The following UNC13C variants were observed in gnomAD, a reference collection of about 807,000 sequenced individuals.
UNC13C encodes unc-13 homolog C, also known as protein unc-13 homolog C.
Under a neutral mutation model 245.4 loss-of-function variants are expected in UNC13C, and 174 were observed. The observed-to-expected ratio is 0.71, with a 90% CI of 0.63 to 0.80. The LOEUF is 0.80. Ranked by LOEUF, UNC13C falls within the 30% of genes least tolerant of loss-of-function variation. The pLI is 0.00. For missense variants in UNC13C, 2,829 were observed against 2,602.9 expected (o/e 1.09, Z -1.89); for synonymous variants, 992 against 895.1 (o/e 1.11, Z -1.93).
At chr15:54,237,438 A>C (rs1157092037) in intron 6 of UNC13C, 181 bp from the exon 7 acceptor site, 1 of 696,370 alleles carries the variant, frequency 1.4e-6, no homozygotes, top group East Asian at 2.7e-5. Flanking sequence ...GGATCGTTCC[A>C]GTTTTAATAT....
At chr15:54,294,908 A>G (rs1444683695) in intron 11 of UNC13C, among the ~76,000 whole-genome samples, 1 of 152,248 alleles carries the variant, frequency 6.6e-6, no homozygotes. Context: ...GCATACTTTT[A>G]GTAATGAAAT....
At chr15:54,597,830 A>G (rs1354516270) in intron 30 of UNC13C, among the ~76,000 whole-genome samples, 2 of 152,192 alleles carry the variant, frequency 1.3e-5, no homozygotes, top group Non-Finnish European at 2.9e-5. Flanking sequence ...ATATCCAGCT[A>G]ATAATATAAA....
intron 24 of UNC13C, among the ~76,000 whole-genome samples, chr15:54,513,670 C>A (rs1010239795): frequency 6.6e-6 from 1 of 152,140 alleles, no homozygotes; most frequent in Non-Finnish European, 1.5e-5. Flanking sequence ...GTACCTTCTT[C>A]CTTTAAAACT....
At chr15:54,524,361 C>T (rs1365003212) in intron 24 of UNC13C, among the ~76,000 whole-genome samples, 1 of 152,168 alleles carries the variant, frequency 6.6e-6, no homozygotes, top group Non-Finnish European at 1.5e-5. Flanking sequence ...CCAGAAAAAT[C>T]ACATTGCCTC....
At chr15:53,850,882 TC>T in the UNC13C span, among the ~76,000 whole-genome samples, 1 of 151,906 alleles carries the variant, frequency 6.6e-6, no homozygotes, top group Non-Finnish European at 1.5e-5. Context: ...TTTTTTTTTT[TC>T]CTTTTCTACA....
Position 54,060,107 on chromosome 15 carries a change from A to G in UNC13C, c.2983+44221A>G, listed in dbSNP as rs561811628. Among the ~76,000 whole-genome samples, 117 of 151,930 alleles carry G rather than the reference A, an allele frequency of 7.7e-4. 1 individual carries two copies. Among genetic ancestry groups the G allele is most frequent in the African/African-American group, 2.4e-3 (100 of 41,378 alleles). ...AAAAGCAATGGCAACAAAAGCCAAA[A>G]TTGACAGATGGGATCTAGTTAAACT... On this transcript the variant is annotated intron_variant, in intron 2 of 32. Coordinates refer to ENST00000260323, the MANE Select transcript of UNC13C (RefSeq NM_001080534.3).
intron 19 of UNC13C, among the ~76,000 whole-genome samples, chr15:54,480,543 A>G (rs1567313631): frequency 7.5e-6 from 1 of 134,214 alleles, no homozygotes; most frequent in African/African-American, 2.8e-5. Context: ...TCATTCATTA[A>G]ATATTTAGTT....
At chr15:53,887,469 G>T in the UNC13C span, among the ~76,000 whole-genome samples, 1 of 152,006 alleles carries the variant, frequency 6.6e-6, no homozygotes, top group Admixed American at 6.6e-5. Context: ...CTCTTTTTTA[G>T]ATATACATGG....
At chr15:54,297,083 C>G (rs963470776) in intron 11 of UNC13C, among the ~76,000 whole-genome samples, 1 of 152,170 alleles carries the variant, frequency 6.6e-6, no homozygotes, top group African/African-American at 2.4e-5. Context: ...AGAACTTTGG[C>G]TCATCTTTTC....
chr15:54,093,456 C>T (rs934322734), intron 2 of UNC13C, among the ~76,000 whole-genome samples: 2 of 152,216 alleles, frequency 1.3e-5, no homozygotes. Context: ...TGATGATTAA[C>T]AACTAATGAA....
chr15:54,484,473 A>G (rs1283208590), intron 19 of UNC13C, among the ~76,000 whole-genome samples: 1 of 152,242 alleles, frequency 6.6e-6, no homozygotes, highest in African/African-American at 2.4e-5. Context: ...CTAAAATGGC[A>G]TACAGAGAAA....
intron 1 of UNC13C, among the ~76,000 whole-genome samples, chr15:53,995,701 C>T (rs1274049107): frequency 2.0e-5 from 3 of 151,800 alleles, no homozygotes; most frequent in Non-Finnish European, 4.4e-5. Context: ...GTCCCATTGT[C>T]GTGGAAGTAA....
intron 2 of UNC13C, among the ~76,000 whole-genome samples, chr15:54,053,754 A>G (rs577678321): frequency 6.6e-6 from 1 of 151,900 alleles, no homozygotes; most frequent in African/African-American, 2.4e-5. Context: ...TTATTTCTGG[A>G]CCCATTAACC....
At chr15:53,928,380 C>T in the UNC13C span, among the ~76,000 whole-genome samples, 1 of 152,178 alleles carries the variant, frequency 6.6e-6, no homozygotes, top group Admixed American at 6.5e-5. Context: ...TTGTTTGTGG[C>T]TTAAGAATGC....
At chr15:54,428,745 G>C (rs940319102) in intron 19 of UNC13C, among the ~76,000 whole-genome samples, 1 of 151,514 alleles carries the variant, frequency 6.6e-6, no homozygotes, top group African/African-American at 2.4e-5. Context: ...ATCTGAAGTG[G>C]ATATGAGTAA....
chr15:54,360,328 G>C (rs1360324935), intron 17 of UNC13C, among the ~76,000 whole-genome samples: 1 of 151,980 alleles, frequency 6.6e-6, no homozygotes, highest in Non-Finnish European at 1.5e-5. Flanking sequence ...ATTCAGTCTT[G>C]AGTGCAGTTT....
At chr15:54,329,858 A>G (rs1249470321) in intron 14 of UNC13C, among the ~76,000 whole-genome samples, 2 of 152,066 alleles carry the variant, frequency 1.3e-5, no homozygotes, top group African/African-American at 4.8e-5. Context: ...TTTATCAGTC[A>G]GAAATCTTTT....
intron 16 of UNC13C, among the ~76,000 whole-genome samples, chr15:54,337,150 G>A (rs1486994354): frequency 1.3e-5 from 2 of 152,096 alleles, no homozygotes; most frequent in Non-Finnish European, 2.9e-5. Context: ...GCTCTTTTGG[G>A]AGCAGGGTGG....
At chr15:54,078,085 A>G (rs1353976468) in intron 2 of UNC13C, among the ~76,000 whole-genome samples, 1 of 152,092 alleles carries the variant, frequency 6.6e-6, no homozygotes, top group African/African-American at 2.4e-5. Flanking sequence ...TTTTTGTTTC[A>G]GAATTATTTC....
Sources: allele counts gnomAD v4.1 joint callset (sites outside exome capture counted in the v4.1 genomes callset), GRCh38; gene constraint gnomAD v4.1.1; transcripts MANE v1.5; gene names NCBI Gene and HGNC (gene_info 2026-07-23, HGNC 2026-07-21).